Variants in ERCC6 observed in about 807,000 individuals in gnomAD.
ERCC6 encodes the protein DNA excision repair protein ERCC-6.
Under a neutral mutation model 158.7 loss-of-function variants are expected in ERCC6, and 116 were observed. The ratio of observed to expected loss-of-function variants is 0.73; its 90% CI spans 0.63 to 0.85. The LOEUF is 0.85. Ranked by LOEUF, ERCC6 falls within the 40% of genes least tolerant of loss-of-function variation. ERCC6 has a pLI of 0.00. For missense variants in ERCC6, 1,698 were observed against 1,799.4 expected, an observed-to-expected ratio of 0.94 and a Z score of 1.02; for synonymous variants, 678 against 659.3, an observed-to-expected ratio of 1.03 and a Z score of -0.43.
intron 5 of ERCC6, among the ~76,000 whole-genome samples, chr10:49,522,456 T>C (rs930516340): frequency 3.9e-5 from 6 of 152,236 alleles, no homozygotes; most frequent in African/African-American, 1.2e-4. Flanking sequence ...TAAGAGTTAT[T>C]GATATTTCTG....
At chr10:49,468,014 C>G (rs997515674) in intron 18 of ERCC6, among the ~76,000 whole-genome samples, 3 of 152,210 alleles carry the variant, frequency 2.0e-5, no homozygotes, top group Admixed American at 6.5e-5. Flanking sequence ...AGACCCCCTA[C>G]TCTGTATCAT....
At chr10:49,476,131 G>A (rs1850872427) in intron 12 of ERCC6, 84 bp downstream of exon 12, 2 of 962,238 alleles carry the variant, frequency 2.1e-6, no homozygotes, top group South Asian at 1.3e-5. Flanking sequence ...GAAAAGCCTG[G>A]CACAATGTAG....
At chr10:49,539,306 A>G (rs765081191), upstream of ERCC6, 9 of 152,302 alleles carry the variant, frequency 5.9e-5, no homozygotes, top group Non-Finnish European at 1.3e-4. Flanking sequence ...CTGGCAAGGC[A>G]GTTATGAAAG....
intron 4 of ERCC6, 53 bp downstream of exon 4, chr10:49,528,364 A>G: frequency 8.2e-6 from 13 of 1,590,316 alleles, no homozygotes; most frequent in South Asian, 1.1e-5. Context: ...CACTGACTAC[A>G]GGCATCAGGC....
chr10:49,523,472 T>A (rs1335174161), intron 5 of ERCC6, among the ~76,000 whole-genome samples: 4 of 152,258 alleles, frequency 2.6e-5, no homozygotes. Context: ...AAAGGTATGC[T>A]GTGCATACAA....
At chr10:49,435,201 A>C in the ERCC6 span, among the ~76,000 whole-genome samples, 1 of 152,206 alleles carries the variant, frequency 6.6e-6, no homozygotes, top group Non-Finnish European at 1.5e-5. Flanking sequence ...ATATAGTCTT[A>C]AAACAGAAAA....
At chr10:49,513,858 T>C (rs561927841) in intron 5 of ERCC6, among the ~76,000 whole-genome samples, 185 of 149,754 alleles carry the variant, frequency 1.2e-3, no homozygotes, top group Non-Finnish European at 2.0e-3. Flanking sequence ...CTCTCTCTCT[T>C]TTTTTTTTAA....
chr10:49,435,381 C>G, the ERCC6 span, among the ~76,000 whole-genome samples: 1 of 152,164 alleles, frequency 6.6e-6, no homozygotes, highest in Non-Finnish European at 1.5e-5. Flanking sequence ...TAAACAGTCA[C>G]AGAACACCCA....
intron 4 of ERCC6, 152 bp from the exon 5 acceptor site, chr10:49,524,929 G>C (rs761687557): frequency 6.7e-7 from 1 of 1,494,652 alleles, no homozygotes; most frequent in Admixed American, 2.2e-5. Context: ...ACATATGAAG[G>C]ACAGAATAAA....
At chr10:49,484,890 G>C (rs1851050216) in intron 8 of ERCC6, among the ~76,000 whole-genome samples, 1 of 152,234 alleles carries the variant, frequency 6.6e-6, no homozygotes. Context: ...AGGCAAAGAG[G>C]AAAATCTTTA....
chr10:49,478,504 A>G (rs778377365), intron 10 of ERCC6, 34 bp from the exon 11 acceptor site: 8 of 1,302,152 alleles, frequency 6.1e-6, no homozygotes, highest in Middle Eastern at 1.8e-4. Context: ...ACATTACTAT[A>G]TATGTTTAAG....
At position 49,459,109 on chromosome 10, in the gene ERCC6, T is replaced by A. The variant is rs1484399876; in HGVS notation, c.4188A>T (p.Arg1396Ser). The change falls in exon 21 of 21, where the codon AGA becomes AGT. Residue 1396 changes from arginine to serine, a missense_variant. Transcript: ENST00000355832. ...SSSLLAKMRA[R>S]NHLILPERLE... ...AACGCTCTGGCAGAATCAGGTGGTT[T>A]CTAGCTCTCATTTTAGCCAAGAGTG... is the stretch of plus-strand genomic sequence containing the variant. 1.2e-6 allele frequency: 2 copies of A among 1,614,218 alleles called. No homozygotes were observed. Among genetic ancestry groups the A allele is most frequent in the Middle Eastern group, 1.6e-4 (1 of 6,062 alleles).
chr10:49,464,945 A>G (rs942947975), intron 18 of ERCC6, among the ~76,000 whole-genome samples: 2 of 152,202 alleles, frequency 1.3e-5, no homozygotes, highest in Admixed American at 1.3e-4. Flanking sequence ...GTTGGGTTGG[A>G]GTCCCCACAC....
intron 1 of ERCC6, among the ~76,000 whole-genome samples, chr10:49,538,356 G>A (rs1465010169): frequency 6.6e-6 from 1 of 152,258 alleles, no homozygotes; most frequent in Non-Finnish European, 1.5e-5. Context: ...CTGTTAAGTA[G>A]GCTGATGATG....
At chr10:49,531,188 ACATGG>A (rs1837461376) in intron 2 of ERCC6, among the ~76,000 whole-genome samples, 1 of 152,214 alleles carries the variant, frequency 6.6e-6, no homozygotes, top group Non-Finnish European at 1.5e-5. Flanking sequence ...AAAAATGCAT[ACATGG>A]GTTTTTTAAG....
intron 1 of ERCC6, among the ~76,000 whole-genome samples, chr10:49,535,959 T>C (rs1339601483): frequency 6.6e-6 from 1 of 151,922 alleles, no homozygotes; most frequent in East Asian, 1.9e-4. Context: ...TCTACTAAAA[T>C]ACAAAAATTA....
At position 49,524,434 on chromosome 10, in the gene ERCC6, G is replaced by C. The variant is rs781212583; in HGVS notation, c.996C>G (p.Ile332Met). ...GCAAAGCCCTCTTCTGGAGTTTCTT[G>C]ATGTGCTTTTTCAAACGCTCCTCTT... Reference protein sequence around the residue: ...SKKEERLKKHIKKLQKRALQF... With the variant: ...SKKEERLKKHMKKLQKRALQF... The change falls in exon 5 of 21, where the codon ATC (isoleucine) becomes ATG (methionine). Residue 332 changes from isoleucine to methionine, a missense_variant. By Grantham distance (10) the Ile-to-Met change is conservative. Coordinates refer to ENST00000355832, the MANE Select transcript of ERCC6 (RefSeq NM_000124.4). The C allele has an allele frequency of 6.2e-7, 1 of 1,614,206 alleles. No homozygotes were observed. The highest frequency in any genetic ancestry group is 1.1e-5 in the South Asian group (1 of 91,074).
chr10:49,505,894 T>C lies in ERCC6; in HGVS notation c.1516A>G (p.Lys506Glu). The C allele has an allele frequency of 6.2e-7, 1 of 1,613,260 alleles. No homozygotes were observed. Among genetic ancestry groups the C allele is most frequent in the African/African-American group, 1.3e-5 (1 of 75,006 alleles). ...ACATATGGTACATACTTAAAAAGCT[T>C]TTTGAACAGAAAACCTGGCACTTTA... ...GFKVPGFLFK[K>E]LFKYQQTGVR... The change falls in exon 6 of 21, where the codon AAG becomes GAG. Residue 506 changes from lysine (K) to glutamate (E), a missense_variant. Lys to Glu is a moderately conservative substitution (Grantham distance 56). Transcript: ENST00000355832.
chr10:49,488,088 G>A (rs1207451532), intron 8 of ERCC6: 1 of 180,718 alleles, frequency 5.5e-6, no homozygotes, highest in African/African-American at 2.3e-5. Context: ...CAAATTAAAA[G>A]CTTGTAAAAT....
Sources: allele counts gnomAD v4.1 joint callset (sites outside exome capture counted in the v4.1 genomes callset), GRCh38; gene constraint gnomAD v4.1.1; transcripts MANE v1.5; gene names NCBI Gene and HGNC (gene_info 2026-07-23, HGNC 2026-07-21).